DST: variants seen among roughly 807,000 people sequenced by gnomAD.
DST encodes the protein dystonin.
In DST, 253 loss-of-function variants were observed where a neutral mutation model predicts 875.2. The ratio of observed to expected loss-of-function variants is 0.29; its 90% confidence interval spans 0.26 to 0.32. The LOEUF (loss-of-function observed/expected upper bound fraction) is 0.32, where lower values mean the gene tolerates loss of function less well. Ranked by LOEUF, DST falls within the 10% of genes least tolerant of loss-of-function variation. The pLI, the probability that DST is intolerant of heterozygous loss-of-function variation, is 1.00. For synonymous variants in DST, 3,124 were observed against 3,197.1 expected, an observed-to-expected ratio of 0.98 and a Z score of 0.77; for missense variants, 8,287 against 9,111.6, an observed-to-expected ratio of 0.91 and a Z score of 3.68.
At chr6:56,831,685 G>A (rs957303000) in intron 4 of DST, among the ~76,000 whole-genome samples, 30 of 152,088 alleles carry the variant, frequency 2.0e-4, no homozygotes, top group Admixed American at 1.8e-3. Context: ...ATATTTTAAT[G>A]TATAGGATCA....
In DST at chr6:56,470,077, C is replaced by T. The variant is rs57304442; in HGVS notation, c.22476+51G>A. The T allele has an allele frequency of 5.5e-5, 88 of 1,605,324 alleles. No homozygotes were observed. In the African/African-American group the frequency reaches 8.5e-4, roughly 16 times the overall value. ...TGGTTGTATGAATTGTGCATGATAT[C>T]GTGGCAGAACATACTATCAGTGTTG... On this transcript the variant is annotated intron_variant, in intron 96 of 103. Transcript: ENST00000680361.
chr6:56,648,226 T>G (rs1425690186), intron 13 of DST, among the ~76,000 whole-genome samples: 2 of 151,972 alleles, frequency 1.3e-5, no homozygotes, highest in African/African-American at 4.8e-5. Flanking sequence ...CACACTTGTA[T>G]GTACTTCCCA....
intron 5 of DST, among the ~76,000 whole-genome samples, chr6:56,706,610 G>GGA (rs2099340025): frequency 6.6e-6 from 1 of 152,170 alleles, no homozygotes; most frequent in South Asian, 2.1e-4. Flanking sequence ...CAGATGCAGG[G>GGA]GAGGGTGGTT....
At chr6:56,553,802 C>G (rs1265435452) in intron 60 of DST, 147 bp from the exon 61 acceptor site, 3 of 726,314 alleles carry the variant, frequency 4.1e-6, no homozygotes, top group Non-Finnish European at 6.5e-6. Context: ...TACAAGTGAA[C>G]TTAAGTTATT....
intron 4 of DST, among the ~76,000 whole-genome samples, chr6:56,783,171 G>A (rs904496437): frequency 4.6e-5 from 7 of 152,252 alleles, no homozygotes; most frequent in African/African-American, 1.4e-4. Flanking sequence ...GAATAGGTGT[G>A]GTGTGGTGCT....
Position 56,463,675 on chromosome 6 carries a change from G to A in DST, c.22849C>T (p.Arg7617Ter), listed in dbSNP as rs2094446184. ...CCTCGTGATGATGGCCGGGATCTTCGGCCTCGGGGTCGGAAAGCAGCCATA... is the reference window on the plus strand; with the variant it reads ...CCTCGTGATGATGGCCGGGATCTTCAGCCTCGGGGTCGGAAAGCAGCCATA... ...QGMAAFRPRG[R>*]RSRPSSRGAS... The change falls in exon 101 of 104, where the codon CGA becomes TGA. Residue 7617 changes from arginine (R) to a stop codon, truncating the protein, a stop_gained. Coordinates refer to ENST00000680361, the MANE Select transcript of DST (RefSeq NM_001374736.1). LOFTEE classifies it high-confidence loss of function. The A allele has an allele frequency of 3.7e-6, 6 of 1,613,848 alleles. No individual in the cohort carries two copies. Among genetic ancestry groups the A allele is most frequent in the African/African-American group, 1.3e-5 (1 of 74,912 alleles).
intron 2 of DST, among the ~76,000 whole-genome samples, chr6:56,944,717 G>GTA (rs1818549600): frequency 6.6e-6 from 1 of 152,116 alleles, no homozygotes; most frequent in Non-Finnish European, 1.5e-5. Flanking sequence ...AGCTACTGAA[G>GTA]GATTTTAAGT....
chr6:56,697,170 T>C (rs1372059585), intron 9 of DST, among the ~76,000 whole-genome samples: 4 of 152,106 alleles, frequency 2.6e-5, no homozygotes, highest in Admixed American at 1.3e-4. Context: ...TCTCTCAGGC[T>C]AAAAAGTTTT....
At chr6:56,467,331 A>C (rs2094627809) in intron 98 of DST, 1 of 152,162 alleles carries the variant, frequency 6.6e-6, no homozygotes, top group Non-Finnish European at 1.5e-5. Context: ...AAACCCAAAA[A>C]CAATACCAAC....
chr6:56,668,666 G>A (rs1382890535), intron 10 of DST, among the ~76,000 whole-genome samples: 1 of 152,054 alleles, frequency 6.6e-6, no homozygotes, highest in African/African-American at 2.4e-5. Flanking sequence ...TACTTGAGAG[G>A]CTGAGGCAGG....
At chr6:56,892,314 T>C (rs1002386282) in intron 3 of DST, among the ~76,000 whole-genome samples, 1 of 149,202 alleles carries the variant, frequency 6.7e-6, no homozygotes, top group Non-Finnish European at 1.5e-5. Context: ...CCCAGCCAAT[T>C]CCTATCCCTT....
Position 56,628,120 on chromosome 6 carries a change from T to C in DST, c.4517A>G (p.Tyr1506Cys), listed in dbSNP as rs1563294524. 2 of 1,613,814 alleles carry C rather than the reference T, an allele frequency of 1.2e-6. No homozygotes were observed. The highest frequency in any genetic ancestry group is 1.7e-6 in the Non-Finnish European group (2 of 1,179,672). Residue 1506 changes from tyrosine to cysteine, a missense_variant, in exon 33 of 104, where the codon TAC (tyrosine) becomes TGC (cysteine). Tyr to Cys is a radical substitution (Grantham distance 194, BLOSUM62 -2). This residue lies in a region of DST where 3,138 missense variants were observed against 3,116.6 expected (regional missense o/e 1.01). Coordinates refer to ENST00000680361, the MANE Select transcript of DST (RefSeq NM_001374736.1). ...LEGIGKSLKY[Y>C]RDTYHPLDDW... ...ATCTAAAGGATGGTAAGTGTCTCTG[T>C]AGTACTTCAGTGATTTGCCAATGCC...
chr6:56,654,499 C>T (rs1049426329), intron 10 of DST, among the ~76,000 whole-genome samples: 4 of 151,456 alleles, frequency 2.6e-5, no homozygotes, highest in African/African-American at 9.8e-5. Context: ...TAGAAAAATG[C>T]TATTGTCATA....
Position 56,664,035 on chromosome 6 carries a change from A to G in DST, c.1214+6606T>C, listed in dbSNP as rs148022604. 5.3e-4 allele frequency among the ~76,000 whole-genome samples: 80 copies of G among 152,200 alleles called. No homozygotes were observed. The East Asian group carries it at 0.015, about 29-fold the overall frequency. ...TGAATGAGATAAATTAAAAACAAGC[A>G]TAAGACAGGCAGAAACTAGTAAGCA... On this transcript the variant is annotated intron_variant, in intron 10 of 103. Coordinates refer to ENST00000680361, the MANE Select transcript of DST (RefSeq NM_001374736.1).
At chr6:56,774,001 C>G (rs1209175101) in intron 4 of DST, among the ~76,000 whole-genome samples, 4 of 151,570 alleles carry the variant, frequency 2.6e-5, no homozygotes, top group African/African-American at 4.9e-5. Context: ...ATAATCCCAG[C>G]TACCTGGGAG....
intron 4 of DST, among the ~76,000 whole-genome samples, chr6:56,775,826 A>G (rs1302274722): frequency 6.6e-6 from 1 of 152,276 alleles, no homozygotes; most frequent in East Asian, 1.9e-4. Flanking sequence ...ATTGACATAC[A>G]TCAAGTGACT....
chr6:56,707,089 G>GTT (rs1563788954), intron 5 of DST, among the ~76,000 whole-genome samples: 1 of 152,188 alleles, frequency 6.6e-6, no homozygotes, highest in Non-Finnish European at 1.5e-5. Flanking sequence ...CAGAGCTCAG[G>GTT]TGGTAAGGCT....
intron 58 of DST, among the ~76,000 whole-genome samples, chr6:56,558,449 G>A (rs1313602311): frequency 1.3e-5 from 2 of 151,970 alleles, no homozygotes; most frequent in Admixed American, 6.6e-5. Flanking sequence ...TGATTCAGTA[G>A]GTCTGGAGTA....
intron 2 of DST, among the ~76,000 whole-genome samples, chr6:56,916,961 G>A (rs898321206): frequency 2.3e-4 from 28 of 122,108 alleles, no homozygotes; most frequent in African/African-American, 8.3e-4. Flanking sequence ...TGCTTGCCAA[G>A]ACTCGCCATC....
Sources: gnomAD v4.1 joint callset for allele counts (sites outside exome capture counted in the v4.1 genomes callset) on GRCh38, gnomAD v4.1.1 for gene constraint, gnomAD v4.1.1 regional missense constraint, MANE v1.5 for transcripts, NCBI Gene and HGNC (gene_info 2026-07-23, HGNC 2026-07-21) for gene names.